Variants in G3BP2 observed in about 807,000 individuals in gnomAD.
G3BP2 encodes the protein G3BP stress granule assembly factor 2, also known as ras GTPase-activating protein-binding protein 2.
Under a neutral mutation model 56.7 loss-of-function variants are expected in G3BP2, and 11 were observed. The ratio of observed to expected loss-of-function variants is 0.19; its 90% CI spans 0.12 to 0.32. The LOEUF (loss-of-function observed/expected upper bound fraction) is 0.32, where lower values mean the gene tolerates loss of function less well. G3BP2 is among the 10% of genes least tolerant of loss of function. G3BP2 has a pLI of 1.00. For missense variants in G3BP2, 340 were observed against 610.9 expected (o/e 0.56, Z 4.67); for synonymous variants, 165 against 191.6 (o/e 0.86, Z 1.15).
chr4:75,686,032 G>A (rs948667493), intron 3 of G3BP2, among the ~76,000 whole-genome samples: 1 of 152,124 alleles, frequency 6.6e-6, no homozygotes, highest in Non-Finnish European at 1.5e-5. Context: ...CAAAAGCAGG[G>A]AATGAGACAA....
rs1412755659 is a variant in G3BP2 at position 75,655,975 on chromosome 4, ATT to A, written c.443-107_443-106del. Reference sequence around the variant, plus strand: ...AAGTGGTATGATAGCAAAAAAGAAAATTTGACAATTTTCTTTCCTTTTTTTTT... The same window carrying A: ...AAGTGGTATGATAGCAAAAAAGAAAATGACAATTTTCTTTCCTTTTTTTTT... On this transcript the variant is annotated intron_variant, in intron 5 of 11. Transcript: ENST00000359707. 19 of 637,768 alleles carry A rather than the reference ATT, an allele frequency of 3.0e-5. No homozygotes were observed. The Admixed American group carries it at 5.3e-4, about 18-fold the overall frequency. The allele number at this position is 637,768 out of a possible 1,614,324, so 39.5% of individuals were successfully genotyped here. A position where few individuals can be genotyped will look rare whatever the true frequency, so the allele number is the denominator to read the frequency against.
intron 3 of G3BP2, among the ~76,000 whole-genome samples, chr4:75,714,058 C>T (rs2149112387): frequency 6.6e-6 from 1 of 152,238 alleles, no homozygotes; most frequent in East Asian, 1.9e-4. Flanking sequence ...CATCTAAACA[C>T]AACATATAAT....
At chr4:75,647,183 TA>T in intron 9 of G3BP2, 26 bp from the exon 10 acceptor site, 2 of 1,487,828 alleles carry the variant, frequency 1.3e-6, no homozygotes, top group Non-Finnish European at 1.8e-6. Flanking sequence ...GAGCAGATAC[TA>T]AAGTTTACAA....
intron 4 of G3BP2, 113 bp from the exon 5 acceptor site, chr4:75,657,127 T>C (rs547211516): frequency 6.8e-6 from 4 of 585,734 alleles, no homozygotes; most frequent in African/African-American, 3.9e-5. Context: ...CTTGACTCAA[T>C]ATAATTTTCC....
In G3BP2 at chr4:75,643,295, T is replaced by A. The variant is rs1313047662; in HGVS notation, c.*2135A>T. ...GCAGGGCAATATCCTGAATTGGAAA[T>A]TATATATATATATATATATATGGAA... On this transcript the variant is annotated 3_prime_UTR_variant, in exon 12 of 12. Coordinates refer to ENST00000359707, the MANE Select transcript of G3BP2 (RefSeq NM_203505.3). 1 of 99,940 alleles carries A rather than the reference T, an allele frequency of 1.0e-5. No homozygotes were observed. Among genetic ancestry groups the A allele is most frequent in the East Asian group, 2.1e-4 (1 of 4,820 alleles). 6.2% of individuals were successfully genotyped at this position (99,940 alleles called of 1,614,324 possible). A position where few individuals can be genotyped will look rare whatever the true frequency, so the allele number is the denominator to read the frequency against.
chr4:75,712,148 T>G (rs530294990), intron 3 of G3BP2, among the ~76,000 whole-genome samples: 1 of 152,294 alleles, frequency 6.6e-6, no homozygotes, highest in South Asian at 2.1e-4. Context: ...AATGTCATAT[T>G]GTATCCCATA....
In G3BP2 at chr4:75,711,325, A is replaced by C. The variant is rs1023697743; in HGVS notation, c.-25+9552T>G. 2.3e-3 allele frequency among the ~76,000 whole-genome samples: 346 copies of C among 150,778 alleles called. 2 individuals carry two copies. The East Asian group carries it at 0.044, about 19-fold the overall frequency. ...TTGAGTGAGACCCCATCTCAAAGAA[A>C]AAAAAAAAAAAAGACTAATTTTCTT... On this transcript the variant is annotated intron_variant, in intron 3 of 3. Coordinates refer to the G3BP2 transcript ENST00000499709.
At chr4:75,704,693 C>T (rs1453640641) in intron 3 of G3BP2, among the ~76,000 whole-genome samples, 2 of 151,650 alleles carry the variant, frequency 1.3e-5, no homozygotes, top group Non-Finnish European at 2.9e-5. Flanking sequence ...AGTGCAGTGG[C>T]GCAATCTCGG....
chr4:75,664,062 T>A (rs769025340), intron 1 of G3BP2, among the ~76,000 whole-genome samples: 225 of 151,114 alleles, frequency 1.5e-3, no homozygotes, highest in Non-Finnish European at 2.6e-3. Context: ...TTTTGTATTA[T>A]TAGTAGAGAC....
intron 3 of G3BP2, among the ~76,000 whole-genome samples, chr4:75,714,352 C>G (rs111924513): frequency 0.02 from 3,052 of 152,272 alleles, 104 homozygotes; most frequent in African/African-American, 0.07. Context: ...TGATGCTGGG[C>G]ACAGTGGCCC....
intron 8 of G3BP2, among the ~76,000 whole-genome samples, chr4:75,649,426 C>T (rs974243047): frequency 1.1e-4 from 16 of 152,264 alleles, no homozygotes; most frequent in East Asian, 1.9e-4. Flanking sequence ...TTGGTCCCAA[C>T]GATTTTCCTT....
chr4:75,658,814 T>G (rs1560618220), intron 3 of G3BP2, 29 bp downstream of exon 3: 1 of 1,398,646 alleles, frequency 7.1e-7, no homozygotes, highest in Non-Finnish European at 1.0e-6. Flanking sequence ...ACACAAAATT[T>G]CTAAACTACA....
chr4:75,692,214 C>A (rs899762020), intron 3 of G3BP2, among the ~76,000 whole-genome samples: 3 of 152,174 alleles, frequency 2.0e-5, no homozygotes, highest in Admixed American at 6.5e-5. Flanking sequence ...AGTTAAGGAA[C>A]CTCTTGTGCT....
At position 75,645,680 on chromosome 4, in the gene G3BP2, ACTT is replaced by A; in HGVS notation, c.1196_1198del (p.Glu399del). 6.2e-7 allele frequency: 1 copy of A among 1,614,008 alleles called. No individual in the cohort carries two copies. Among genetic ancestry groups the A allele is most frequent in the Non-Finnish European group, 8.5e-7 (1 of 1,179,950 alleles). On this transcript the variant is annotated inframe_deletion, in exon 12 of 12. Coordinates refer to ENST00000359707, the MANE Select transcript of G3BP2 (RefSeq NM_203505.3). ...TTTTTTCTCTTCCACATTTAAACGT[ACTT>A]CCCCTCGAAACATAATCGGCTTTAT...
chr4:75,695,083 A>G (rs1281793043), intron 3 of G3BP2, among the ~76,000 whole-genome samples: 1 of 152,226 alleles, frequency 6.6e-6, no homozygotes, highest in African/African-American at 2.4e-5. Flanking sequence ...GCTTGGGAAA[A>G]AACACAACAG....
At chr4:75,673,565 C>G, upstream of G3BP2, 5 of 1,232,096 alleles carry the variant, frequency 4.1e-6, no homozygotes, top group Non-Finnish European at 5.1e-6. Context: ...AGTACGCTGC[C>G]GCGCTCGCAC....
At chr4:75,709,082 C>T (rs13146798) in intron 3 of G3BP2, among the ~76,000 whole-genome samples, 1 of 151,942 alleles carries the variant, frequency 6.6e-6, no homozygotes, top group Non-Finnish European at 1.5e-5. Context: ...GCACTCCAGC[C>T]TGGGCAACAG....
intron 9 of G3BP2, 67 bp downstream of exon 9, chr4:75,648,572 G>T: frequency 2.4e-6 from 2 of 816,764 alleles, no homozygotes; most frequent in South Asian, 1.5e-5. Context: ...ATAGTTTTTT[G>T]TTTAAGTTCA....
At chr4:75,701,457 C>T (rs1353581255) in intron 3 of G3BP2, among the ~76,000 whole-genome samples, 2 of 146,370 alleles carry the variant, frequency 1.4e-5, no homozygotes, top group Non-Finnish European at 3.0e-5. Context: ...CATGGAGTTT[C>T]GCTCTTGTTG....
Sources: gnomAD v4.1 joint callset for allele counts (sites outside exome capture counted in the v4.1 genomes callset) on GRCh38, gnomAD v4.1.1 for gene constraint, MANE v1.5 for transcripts, NCBI Gene and HGNC (gene_info 2026-07-23, HGNC 2026-07-21) for gene names.